Variants in PLCG2 observed in about 807,000 individuals in gnomAD.
PLCG2 encodes the protein 1-phosphatidylinositol 4,5-bisphosphate phosphodiesterase gamma-2.
Under a neutral mutation model 175.6 loss-of-function variants are expected in PLCG2, and 69 were observed. That is an observed-to-expected ratio of 0.39 (90% CI 0.32 to 0.48). The LOEUF (loss-of-function observed/expected upper bound fraction) is 0.48. PLCG2 is among the 20% of genes least tolerant of loss of function. The probability of loss-of-function intolerance (pLI) is 0.91; values close to 1 mark genes in which losing one functional copy is unlikely to be tolerated. For synonymous variants in PLCG2, 827 were observed against 624.0 expected (o/e 1.33, Z -4.85); for missense variants, 1,798 against 1,650.9 (o/e 1.09, Z -1.54).
intron 11 of PLCG2, among the ~76,000 whole-genome samples, chr16:81,892,567 C>T (rs1482195719): frequency 6.6e-6 from 1 of 152,118 alleles, no homozygotes; most frequent in Non-Finnish European, 1.5e-5. Context: ...GTTCTCTCTT[C>T]CCCACCATGC....
At chr16:81,852,642 G>C (rs1449134167) in intron 2 of PLCG2, among the ~76,000 whole-genome samples, 1 of 152,182 alleles carries the variant, frequency 6.6e-6, no homozygotes, top group Non-Finnish European at 1.5e-5. Context: ...TTGCAGAACG[G>C]AAGGATTTCT....
chr16:81,892,636 T>C lies in PLCG2; in HGVS notation c.986+1046T>C, dbSNP rs566151807. 6.1e-5 allele frequency among the ~76,000 whole-genome samples: 9 copies of C among 148,750 alleles called. No individual in the cohort carries two copies. In the South Asian group the frequency reaches 2.0e-3, roughly 32 times the overall value. On this transcript the variant is annotated intron_variant, in intron 11 of 32. Transcript: ENST00000564138. ...GAATTCTAGAAAACCTAGAAGACAG[T>C]TAAGAAATACAAACTTAAAAAAAAA...
chr16:81,927,218 T>G, intron 23 of PLCG2, 40 bp downstream of exon 23: 1 of 1,366,294 alleles, frequency 7.3e-7, no homozygotes, highest in South Asian at 1.2e-5. Flanking sequence ...GAAGAAGGGA[T>G]CTGCAGGTCC....
rs191211926 is a variant in PLCG2 at position 81,890,118 on chromosome 16, G to A, written c.867+845G>A. On this transcript the variant is annotated intron_variant, in intron 10 of 32. Coordinates refer to ENST00000564138, the MANE Select transcript of PLCG2 (RefSeq NM_002661.5). ...GAGCCATGCGAACGCCCGAAAAGAC[G>A]TCTCAAAAGGCCAATCTTAGGTTAA... Among the ~76,000 whole-genome samples, 46 of 152,248 alleles carry A rather than the reference G, an allele frequency of 3.0e-4. No homozygotes were observed. The East Asian group carries it at 8.3e-3, about 27-fold the overall frequency.
Position 81,910,661 on chromosome 16 carries a change from C to T in PLCG2, c.1875C>T (p.Ala625=), listed in dbSNP as rs753539229. Residue 625 remains alanine, a synonymous_variant, in exon 18 of 33, where the codon GCC becomes GCT. Coordinates refer to ENST00000564138, the MANE Select transcript of PLCG2 (RefSeq NM_002661.5). ...QHYRETHLRC[A]EFELRLTDPV... is the part of the protein sequence containing the mutation. Reference sequence around the variant, plus strand: ...ACCGCGAGACGCACCTGCGCTGCGCCGAGTTCGAGCTGCGGCTCACGGACC... The same window carrying T: ...ACCGCGAGACGCACCTGCGCTGCGCTGAGTTCGAGCTGCGGCTCACGGACC... 15 of 1,613,484 alleles carry T rather than the reference C, an allele frequency of 9.3e-6. No individual in the cohort carries two copies. The East Asian group carries it at 1.1e-4, about 12-fold the overall frequency.
intron 19 of PLCG2, among the ~76,000 whole-genome samples, chr16:81,917,765 A>C (rs553387600): frequency 2.0e-3 from 298 of 152,314 alleles, no homozygotes; most frequent in Middle Eastern, 3.4e-3. Context: ...TCTGTTGCCC[A>C]GGCTGGAGTG....
rs117711114 is a variant in PLCG2, at chr16:81,806,078, C to T, written c.193+19896C>T. 9.2e-5 allele frequency among the ~76,000 whole-genome samples: 14 copies of T among 151,996 alleles called. No homozygotes were observed. In the East Asian group the frequency reaches 1.5e-3, roughly 17 times the overall value. On this transcript the variant is annotated intron_variant, in intron 2 of 32. Coordinates refer to ENST00000564138, the MANE Select transcript of PLCG2 (RefSeq NM_002661.5). ...AACATGTATGCAATATAATTATTAA[C>T]GAGATATTTGATTCTGGTTTTTGGT...
chr16:81,769,838 AAAAAAAAAG>A (rs1257961722), intron 2 of PLCG2, among the ~76,000 whole-genome samples: 4 of 150,592 alleles, frequency 2.7e-5, no homozygotes, highest in Non-Finnish European at 5.9e-5. Context: ...AAAAAAAAAA[AAAAAAAAAG>A]AAAAAGACAT....
At chr16:81,790,550 T>C (rs1005977817) in intron 2 of PLCG2, among the ~76,000 whole-genome samples, 1 of 152,156 alleles carries the variant, frequency 6.6e-6, no homozygotes, top group Non-Finnish European at 1.5e-5. Context: ...GCTCTGGCAA[T>C]TTCCTCACGG....
Position 81,958,103 on chromosome 16 carries a change from C to G in PLCG2, c.*105C>G. The G allele has an allele frequency of 1.2e-6, 1 of 804,106 alleles. No individual in the cohort carries two copies. Among genetic ancestry groups the G allele is most frequent in the Non-Finnish European group, 2.2e-6 (1 of 461,266 alleles). 49.8% of individuals were successfully genotyped at this position (804,106 alleles called of 1,614,324 possible). A position where few individuals can be genotyped will look rare whatever the true frequency, so the allele number is the denominator to read the frequency against. On this transcript the variant is annotated 3_prime_UTR_variant, in exon 33 of 33. Transcript: ENST00000564138. ...CTGGGAAGACGCTAATCTGTGACAT[C>G]TTTTCTTCAAGCCTGCCATCAAGGA... is the stretch of plus-strand genomic sequence containing the variant.
chr16:81,771,022 C>T (rs1169449948), intron 2 of PLCG2, among the ~76,000 whole-genome samples: 3 of 150,106 alleles, frequency 2.0e-5, no homozygotes, highest in Non-Finnish European at 4.4e-5. Context: ...TATGCCCCTG[C>T]ACTCCAGCCT....
At chr16:81,882,068 G>C (rs377024196) in intron 8 of PLCG2, among the ~76,000 whole-genome samples, 103 of 152,216 alleles carry the variant, frequency 6.8e-4, no homozygotes, top group African/African-American at 2.2e-3. Flanking sequence ...TGAGTGTTTA[G>C]TAAAGGGAGA....
intron 14 of PLCG2, among the ~76,000 whole-genome samples, chr16:81,903,276 G>A (rs1019978790): frequency 1.3e-5 from 2 of 152,202 alleles, no homozygotes; most frequent in African/African-American, 4.8e-5. Context: ...AGATACATTG[G>A]ACACAATCCT....
At chr16:81,840,497 G>C (rs933821420) in intron 2 of PLCG2, among the ~76,000 whole-genome samples, 1 of 152,182 alleles carries the variant, frequency 6.6e-6, no homozygotes, top group Admixed American at 6.5e-5. Flanking sequence ...ATCAGTGGGA[G>C]ACCTGAGCTT....
Position 81,956,835 on chromosome 16 carries a change from T to G in PLCG2, c.3711T>G (p.Val1237=). 2 of 1,614,112 alleles carry G rather than the reference T, an allele frequency of 1.2e-6. No homozygotes were observed. Among genetic ancestry groups the G allele is most frequent in the Non-Finnish European group, 1.7e-6 (2 of 1,179,968 alleles). Reference sequence around the variant, plus strand: ...ATGCCCTGGTTAAAGAGTTCAGTGTTAATGAGAACCAGCTCCAGCTGTACC... The same window carrying G: ...ATGCCCTGGTTAAAGAGTTCAGTGTGAATGAGAACCAGCTCCAGCTGTACC... The part of the protein sequence containing the change: ...NRDALVKEFS[V]NENQLQLYQE... Residue 1237 remains valine, a synonymous_variant, in exon 32 of 33, where the codon GTT becomes GTG. Coordinates refer to ENST00000564138, the MANE Select transcript of PLCG2 (RefSeq NM_002661.5).
intron 1 of PLCG2, among the ~76,000 whole-genome samples, chr16:81,782,756 G>A (rs6564917): frequency 0.77 from 116,831 of 152,218 alleles, 45,110 homozygotes; most frequent in South Asian, 0.88. Flanking sequence ...CCCACAAAAC[G>A]ATTCTGTTAA....
At chr16:81,810,332 C>T (rs1020340173) in intron 2 of PLCG2, among the ~76,000 whole-genome samples, 2 of 152,226 alleles carry the variant, frequency 1.3e-5, no homozygotes, top group African/African-American at 4.8e-5. Context: ...GAACACGTAA[C>T]GTGGCCATGA....
At chr16:81,846,953 T>C (rs1181034892) in intron 2 of PLCG2, among the ~76,000 whole-genome samples, 1 of 152,216 alleles carries the variant, frequency 6.6e-6, no homozygotes, top group African/African-American at 2.4e-5. Flanking sequence ...TGGTGTCCTC[T>C]AGTTCAGTTC....
At position 81,917,078 on chromosome 16, in the gene PLCG2, C is replaced by T. The variant is rs113371178; in HGVS notation, c.2055-2406C>T. Among the ~76,000 whole-genome samples the T allele has an allele frequency of 4.6e-3, 697 of 152,300 alleles. 9 individuals are homozygous for T. Among genetic ancestry groups the T allele is most frequent in the African/African-American group, 0.016 (664 of 41,560 alleles). On this transcript the variant is annotated intron_variant, in intron 19 of 32. Transcript: ENST00000564138. ...CTCCCCCTGCCCCGGACCCTGGTAA[C>T]CACCATTCTACTCTCCACTTCCGTG...
Sources: allele counts gnomAD v4.1 joint callset (sites outside exome capture counted in the v4.1 genomes callset), GRCh38; gene constraint gnomAD v4.1.1; transcripts MANE v1.5; gene names NCBI Gene and HGNC (gene_info 2026-07-23, HGNC 2026-07-21).